ZNRF1: variants seen among roughly 807,000 people sequenced by gnomAD.
ZNRF1 encodes E3 ubiquitin-protein ligase ZNRF1.
In ZNRF1, 3 loss-of-function variants were observed where a neutral mutation model predicts 18.4. The observed-to-expected ratio is 0.16, with a 90% CI of 0.07 to 0.42. The LOEUF (loss-of-function observed/expected upper bound fraction) is 0.42. Among genes scored for constraint, ZNRF1 ranks in the 10% least tolerant of loss-of-function variants. The probability of loss-of-function intolerance (pLI) is 0.99; values close to 1 mark genes in which losing one functional copy is unlikely to be tolerated. For synonymous variants in ZNRF1, 157 were observed against 144.2 expected, an observed-to-expected ratio of 1.09 and a Z score of -0.64; for missense variants, 310 against 329.8, an observed-to-expected ratio of 0.94 and a Z score of 0.47.
At chr16:75,048,414 A>C (rs938018655) in intron 1 of ZNRF1, among the ~76,000 whole-genome samples, 7 of 152,214 alleles carry the variant, frequency 4.6e-5, no homozygotes, top group Non-Finnish European at 1.0e-4. Flanking sequence ...GAGGGACACT[A>C]TTCAGCCCCT....
intron 2 of ZNRF1, chr16:75,095,480 A>C: frequency 1.2e-5 from 13 of 1,060,482 alleles, no homozygotes; most frequent in African/African-American, 1.6e-5. Flanking sequence ...AGCCCTCCCT[A>C]GCCATGGCCT....
chr16:75,047,569 T>C (rs972463221), intron 1 of ZNRF1, among the ~76,000 whole-genome samples: 2 of 152,266 alleles, frequency 1.3e-5, no homozygotes, highest in African/African-American at 4.8e-5. Context: ...TTCTAATTGT[T>C]ATTGGCATGT....
chr16:75,101,004 G>A (rs1177941732), intron 2 of ZNRF1, among the ~76,000 whole-genome samples: 1 of 152,182 alleles, frequency 6.6e-6, no homozygotes, highest in Admixed American at 6.5e-5. Context: ...CACAATCTTG[G>A]CTCACTGTAA....
At chr16:75,101,067 G>C (rs997771210) in intron 2 of ZNRF1, among the ~76,000 whole-genome samples, 1 of 152,138 alleles carries the variant, frequency 6.6e-6, no homozygotes, top group Non-Finnish European at 1.5e-5. Context: ...CCAAGTAGCT[G>C]GGACTACAGG....
intron 1 of ZNRF1, among the ~76,000 whole-genome samples, chr16:75,008,616 AC>A (rs2034954967): frequency 6.6e-6 from 1 of 152,180 alleles, no homozygotes; most frequent in African/African-American, 2.4e-5. Context: ...GATCTGTTGA[AC>A]AAAAACGTTC....
chr16:75,034,713 GC>G (rs1254455567), intron 1 of ZNRF1, among the ~76,000 whole-genome samples: 6 of 152,118 alleles, frequency 3.9e-5, no homozygotes. Flanking sequence ...TGCAGCCTCT[GC>G]CCCCTGGGTT....
intron 1 of ZNRF1, among the ~76,000 whole-genome samples, chr16:75,033,547 C>G (rs372617466): frequency 6.6e-6 from 1 of 150,494 alleles, no homozygotes; most frequent in African/African-American, 2.5e-5. Context: ...TCAAGTGATT[C>G]TCCCACCTCA....
Position 75,105,029 on chromosome 16 carries a change from A to G in ZNRF1, c.626+140A>G, listed in dbSNP as rs2287989. 529,032 of 646,764 alleles carry G rather than the reference A, an allele frequency of 0.82. 219,976 individuals are homozygous for G. The highest frequency in any genetic ancestry group is 0.87 in the Non-Finnish European group (320,738 of 369,712). The allele number at this position is 646,764 out of a possible 1,614,324, so 40.1% of individuals were successfully genotyped here. On this transcript the variant is annotated intron_variant, in intron 3 of 4. Transcript: ENST00000335325. ...CTCCGAGCGGGTAAGGGCAGAGGCC[A>G]TCAGACAGGTGTCCACTGTGCCGGC...
At chr16:75,072,069 G>C (rs2145401276) in intron 1 of ZNRF1, among the ~76,000 whole-genome samples, 1 of 152,030 alleles carries the variant, frequency 6.6e-6, no homozygotes, top group Non-Finnish European at 1.5e-5. Flanking sequence ...CTCCCGAATA[G>C]CTGGGACTAC....
intron 1 of ZNRF1, among the ~76,000 whole-genome samples, chr16:75,085,821 AGT>A (rs369370172): frequency 2.5e-4 from 37 of 146,276 alleles, no homozygotes; most frequent in African/African-American, 8.8e-4. Flanking sequence ...AGAGAGAGTG[AGT>A]GTGTGTGTGT....
chr16:75,001,871 G>A (rs1437248381), intron 1 of ZNRF1, among the ~76,000 whole-genome samples: 1 of 152,174 alleles, frequency 6.6e-6, no homozygotes, highest in African/African-American at 2.4e-5. Flanking sequence ...CTTAAGCTGT[G>A]AAACCTTATT....
At chr16:75,092,511 A>G (rs1320477605) in intron 1 of ZNRF1, among the ~76,000 whole-genome samples, 1 of 152,248 alleles carries the variant, frequency 6.6e-6, no homozygotes, top group Non-Finnish European at 1.5e-5. Context: ...GATAGAATGT[A>G]TATGGAAAAG....
chr16:75,049,774 C>T (rs1481648328), intron 1 of ZNRF1, among the ~76,000 whole-genome samples: 1 of 151,976 alleles, frequency 6.6e-6, no homozygotes, highest in Non-Finnish European at 1.5e-5. Flanking sequence ...CAAAATGAGG[C>T]AATTGGCATG....
At chr16:75,104,240 A>G (rs1033262211) in intron 2 of ZNRF1, 4 of 152,330 alleles carry the variant, frequency 2.6e-5, no homozygotes, top group Non-Finnish European at 4.4e-5. Context: ...TGGATACATC[A>G]TCTTTTGTTT....
chr16:75,067,451 A>G (rs1476657079), intron 1 of ZNRF1, among the ~76,000 whole-genome samples: 2 of 152,234 alleles, frequency 1.3e-5, no homozygotes, highest in African/African-American at 4.8e-5. Context: ...GTCTGCTACA[A>G]GTAAAACCCG....
chr16:75,041,935 G>A (rs574394843), intron 1 of ZNRF1, among the ~76,000 whole-genome samples: 5 of 152,064 alleles, frequency 3.3e-5, no homozygotes, highest in African/African-American at 1.2e-4. Flanking sequence ...GACGGAGGTC[G>A]CAGTGAGCTG....
At chr16:75,070,293 C>T (rs1202965340) in intron 1 of ZNRF1, among the ~76,000 whole-genome samples, 1 of 152,210 alleles carries the variant, frequency 6.6e-6, no homozygotes, top group Non-Finnish European at 1.5e-5. Flanking sequence ...CCACCGATAG[C>T]CTGAATGACT....
At chr16:75,003,079 G>T (rs377208728) in intron 1 of ZNRF1, among the ~76,000 whole-genome samples, 5 of 152,096 alleles carry the variant, frequency 3.3e-5, no homozygotes, top group Non-Finnish European at 7.4e-5. Context: ...TCAGCCTCCC[G>T]AGTAGCTGGG....
intron 1 of ZNRF1, among the ~76,000 whole-genome samples, chr16:75,087,794 G>A (rs1465013524): frequency 1.3e-5 from 2 of 152,242 alleles, no homozygotes. Flanking sequence ...TATCAGGCTT[G>A]GCCAGCAAGC....
Sources: gnomAD v4.1 joint callset for allele counts (sites outside exome capture counted in the v4.1 genomes callset) on GRCh38, gnomAD v4.1.1 for gene constraint, MANE v1.5 for transcripts, NCBI Gene and HGNC (gene_info 2026-07-23, HGNC 2026-07-21) for gene names.